Variants in EHD1 observed in about 807,000 individuals in gnomAD.
EHD1 encodes EH domain-containing protein 1.
In EHD1, 19 loss-of-function variants were observed where a neutral mutation model predicts 39.0. The observed-to-expected ratio is 0.49, with a 90% CI of 0.34 to 0.72. The LOEUF (loss-of-function observed/expected upper bound fraction) is 0.72, where lower values mean the gene tolerates loss of function less well. Among genes scored for constraint, EHD1 ranks in the 30% least tolerant of loss-of-function variants. The pLI is 0.01. For synonymous variants in EHD1, 323 were observed against 331.2 expected (o/e 0.98, Z 0.27); for missense variants, 542 against 751.5 (o/e 0.72, Z 3.26).
intron 2 of EHD1, among the ~76,000 whole-genome samples, chr11:64,873,050 A>G (rs1253253315): frequency 6.6e-6 from 1 of 152,146 alleles, no homozygotes; most frequent in East Asian, 1.9e-4. Context: ...GTACCAGCCT[A>G]CCCTCAAGCT....
At chr11:64,871,490 C>T (rs181565755) in intron 2 of EHD1, among the ~76,000 whole-genome samples, 58 of 152,374 alleles carry the variant, frequency 3.8e-4, no homozygotes, top group African/African-American at 1.3e-3. Flanking sequence ...GAGCGATGGT[C>T]TTTCTCCTGA....
In EHD1 at chr11:64,854,552, G is replaced by A. The variant is rs1177746473; in HGVS notation, c.1386C>T (p.Ile462=). Residue 462 remains isoleucine, a synonymous_variant, in exon 5 of 5, where the codon ATC becomes ATT. Transcript: ENST00000320631. ...FYTLSPVNGK[I]TGANAKKEMV... is the part of the protein sequence containing the mutation. ...TCTCCTTCTTGGCGTTGGCGCCCGT[G>A]ATCTTGCCGTTGACAGGGGACAGCG... 6.2e-7 allele frequency: 1 copy of A among 1,614,048 alleles called. No homozygotes were observed. The highest frequency in any genetic ancestry group is 8.5e-7 in the Non-Finnish European group (1 of 1,180,016).
Position 64,854,467 on chromosome 11 carries a change from C to CCA in EHD1, c.1469_1470dup (p.Asp491TrpfsTer76). 6.2e-7 allele frequency: 1 copy of CCA among 1,614,142 alleles called. No individual in the cohort carries two copies. On this transcript the variant is annotated frameshift_variant, in exon 5 of 5. Transcript: ENST00000320631. LOFTEE classifies it high-confidence loss of function. ...TCGTCGTCCAGCAGCCCGTCCTTGT[C>CCA]CACGTCGGCCAGCTTCCAGATCTTC...
chr11:64,872,159 C>G (rs1414057677), intron 2 of EHD1, among the ~76,000 whole-genome samples: 1 of 152,146 alleles, frequency 6.6e-6, no homozygotes, highest in Non-Finnish European at 1.5e-5. Flanking sequence ...CCCAGCTACT[C>G]GGGAGACTAA....
intron 1 of EHD1, 123 bp downstream of exon 1, chr11:64,877,938 T>C (rs1943902610): frequency 1.9e-6 from 2 of 1,049,900 alleles, no homozygotes; most frequent in East Asian, 2.9e-5. Context: ...GAGTGGTCAC[T>C]GAGGGTCTCA....
chr11:64,854,167 C>G lies in EHD1; in HGVS notation c.*166G>C. The G allele has an allele frequency of 8.2e-7, 1 of 1,224,194 alleles. No homozygotes were observed. Among genetic ancestry groups the G allele is most frequent in the South Asian group, 1.6e-5 (1 of 62,592 alleles). The allele number at this position is 1,224,194 out of a possible 1,614,324, so 75.8% of individuals were successfully genotyped here. The stretch of plus-strand genomic sequence containing the variant: ...CATCCTCTCACCCCTGCCTCCCCCG[C>G]CAGGCCCAGGAACAGCCTTAAAAGA... On this transcript the variant is annotated 3_prime_UTR_variant, in exon 5 of 5. Coordinates refer to ENST00000320631, the MANE Select transcript of EHD1 (RefSeq NM_006795.4).
intron 3 of EHD1, 160 bp downstream of exon 3, chr11:64,859,764 T>C (rs1003388148): frequency 1.0e-5 from 11 of 1,057,726 alleles, no homozygotes; most frequent in Non-Finnish European, 1.3e-5. Flanking sequence ...ACGCGGGTGC[T>C]GACCAAAGAC....
Position 64,854,598 on chromosome 11 carries a change from G to A in EHD1, c.1340C>T (p.Thr447Ile), listed in dbSNP as rs146180179. 9.3e-6 allele frequency: 15 copies of A among 1,614,058 alleles called. No homozygotes were observed. The African/African-American group carries it at 1.5e-4, about 16-fold the overall frequency. The change falls in exon 5 of 5, where the codon ACC becomes ATC. Residue 447 changes from threonine (T) to isoleucine (I), a missense_variant. Physicochemically the swap from Thr to Ile is moderately conservative, Grantham distance 89. Coordinates refer to ENST00000320631, the MANE Select transcript of EHD1 (RefSeq NM_006795.4). ...CAGCGTGTAGAAGATCTCGTCGTAGGTGGGCTTGTCCTTGCCCACCACCCA... is the reference window on the plus strand; with the variant it reads ...CAGCGTGTAGAAGATCTCGTCGTAGATGGGCTTGTCCTTGCCCACCACCCA... Reference protein sequence around the residue: ...VEWVVGKDKPTYDEIFYTLSP... With the variant: ...VEWVVGKDKPIYDEIFYTLSP...
chr11:64,878,369 C>T lies in EHD1; in HGVS notation c.96G>A (p.Lys32=), dbSNP rs1454896524. The T allele has an allele frequency of 4.3e-6, 7 of 1,613,906 alleles. No homozygotes were observed. The highest frequency in any genetic ancestry group is 5.9e-6 in the Non-Finnish European group (7 of 1,180,030). The stretch of plus-strand genomic sequence containing the variant: ...GGTAGTGCTCCTCCAGGGGTAGCAG[C>T]TTCTGCGCGTACAGCTGCCGCAGCC... ...AEGLRQLYAQ[K]LLPLEEHYRF... The change falls in exon 1 of 5, where the codon AAG becomes AAA. Residue 32 remains lysine, a synonymous_variant. Coordinates refer to ENST00000320631, the MANE Select transcript of EHD1 (RefSeq NM_006795.4).
In EHD1 at chr11:64,859,705, C is replaced by T. The variant is rs1470838593; in HGVS notation, c.915+219G>A. Reference sequence around the variant, plus strand: ...GATGGGGTATAAACCACAAACAGAACAGGTTTAGAGGGAGGCCGGGTAGAG... The same window carrying T: ...GATGGGGTATAAACCACAAACAGAATAGGTTTAGAGGGAGGCCGGGTAGAG... On this transcript the variant is annotated intron_variant, in intron 3 of 4. Transcript: ENST00000320631. The T allele has an allele frequency of 1.6e-5, 10 of 620,110 alleles. No individual in the cohort carries two copies. The African/African-American group carries it at 1.7e-4, about 10-fold the overall frequency. 38.4% of individuals were successfully genotyped at this position (620,110 alleles called of 1,614,324 possible).
In EHD1 at chr11:64,853,866, G is replaced by A. The variant is rs957642022; in HGVS notation, c.*467C>T. 6 of 165,728 alleles carry A rather than the reference G, an allele frequency of 3.6e-5. No homozygotes were observed. Among genetic ancestry groups the A allele is most frequent in the Admixed American group, 3.4e-4 (6 of 17,698 alleles). 10.3% of individuals were successfully genotyped at this position (165,728 alleles called of 1,614,324 possible). On this transcript the variant is annotated 3_prime_UTR_variant, in exon 5 of 5. Coordinates refer to ENST00000320631, the MANE Select transcript of EHD1 (RefSeq NM_006795.4). Reference sequence around the variant, plus strand: ...GAGCACGGGGGAGGCAGAGCCAGGTGAGGAAGGAAGCCACGGTCCCGTGAA... The same window carrying A: ...GAGCACGGGGGAGGCAGAGCCAGGTAAGGAAGGAAGCCACGGTCCCGTGAA...
At position 64,853,914 on chromosome 11, in the gene EHD1, C is replaced by G. The variant is rs772825584; in HGVS notation, c.*419G>C. 4.9e-6 allele frequency: 1 copy of G among 202,738 alleles called. No homozygotes were observed. The highest frequency in any genetic ancestry group is 2.3e-5 in the African/African-American group (1 of 43,724). The allele number at this position is 202,738 out of a possible 1,614,324, so 12.6% of individuals were successfully genotyped here. On this transcript the variant is annotated 3_prime_UTR_variant, in exon 5 of 5. Transcript: ENST00000320631. ...GAAGCAACCTCAGCTCAGAAGCACA[C>G]GGAGGGTGCCTGGTGTTCCTGTCCA... is the stretch of plus-strand genomic sequence containing the variant.
At chr11:64,879,085 C>G (rs950976026), upstream of EHD1, 9 of 999,474 alleles carry the variant, frequency 9.0e-6, no homozygotes, top group African/African-American at 1.4e-4. Flanking sequence ...CGGAGTACCC[C>G]CAGGCGGCGG....
chr11:64,878,771 C>T (rs1330093799), upstream of EHD1: 2 of 1,269,874 alleles, frequency 1.6e-6, no homozygotes, highest in African/African-American at 3.1e-5. Context: ...CTTCCCCTAC[C>T]CCGCCCCCAT....
At chr11:64,863,051 G>C (rs1371620341) in intron 2 of EHD1, among the ~76,000 whole-genome samples, 1 of 152,154 alleles carries the variant, frequency 6.6e-6, no homozygotes, top group Non-Finnish European at 1.5e-5. Flanking sequence ...CCTGATTCTG[G>C]GCAAGCCTCC....
chr11:64,855,573 C>G, intron 3 of EHD1, 87 bp from the exon 4 acceptor site: 6 of 1,575,292 alleles, frequency 3.8e-6, no homozygotes, highest in Non-Finnish European at 5.2e-6. Context: ...AAGGATACTC[C>G]AAGGTGCTCG....
chr11:64,865,217 G>A (rs1193427592), intron 2 of EHD1, among the ~76,000 whole-genome samples: 10 of 152,234 alleles, frequency 6.6e-5, no homozygotes, highest in South Asian at 2.1e-4. Flanking sequence ...GTAACTGCAC[G>A]CCCCACCAGG....
chr11:64,867,033 G>A (rs565951183), intron 2 of EHD1, among the ~76,000 whole-genome samples: 4 of 152,252 alleles, frequency 2.6e-5, no homozygotes, highest in South Asian at 2.1e-4. Flanking sequence ...TGGTGGTGAC[G>A]GCTGAACAAT....
intron 2 of EHD1, among the ~76,000 whole-genome samples, chr11:64,865,432 A>C (rs607569): frequency 0.83 from 126,971 of 152,260 alleles, 54,402 homozygotes; most frequent in Non-Finnish European, 0.93. Context: ...AGGCAACAAG[A>C]CTTCAGGCTT....
Sources: gnomAD v4.1 joint callset for allele counts (sites outside exome capture counted in the v4.1 genomes callset) on GRCh38, gnomAD v4.1.1 for gene constraint, MANE v1.5 for transcripts, NCBI Gene and HGNC (gene_info 2026-07-23, HGNC 2026-07-21) for gene names.